SDK1: variants seen among roughly 807,000 people sequenced by gnomAD.
The protein encoded by SDK1 is protein sidekick-1.
A neutral mutation model predicts 245.5 loss-of-function variants in SDK1; 157 were observed. The ratio of observed to expected loss-of-function variants is 0.64; its 90% CI spans 0.56 to 0.73. The LOEUF is 0.73. Ranked by LOEUF, SDK1 falls within the 30% of genes least tolerant of loss-of-function variation. The pLI, the probability that SDK1 is intolerant of heterozygous loss-of-function variation, is 0.00. For synonymous variants in SDK1, 1,647 were observed against 1,278.5 expected, an observed-to-expected ratio of 1.29 and a Z score of -6.15; for missense variants, 3,583 against 3,002.3, an observed-to-expected ratio of 1.19 and a Z score of -4.52.
chr7:4,150,609 G>T (rs545627705), intron 30 of SDK1, among the ~76,000 whole-genome samples: 49 of 152,328 alleles, frequency 3.2e-4, no homozygotes, highest in Non-Finnish European at 6.5e-4. Context: ...CTTCGAGGCT[G>T]CCCGTCTCAG....
At chr7:3,481,360 T>C (rs560489171) in intron 1 of SDK1, among the ~76,000 whole-genome samples, 2 of 152,280 alleles carry the variant, frequency 1.3e-5, no homozygotes, top group East Asian at 3.9e-4. Context: ...TGGTACAGTT[T>C]CGTTTATTGA....
At chr7:3,705,258 A>C (rs756838855) in intron 4 of SDK1, among the ~76,000 whole-genome samples, 3 of 151,854 alleles carry the variant, frequency 2.0e-5, no homozygotes, top group Non-Finnish European at 4.4e-5. Flanking sequence ...AATTGCATGC[A>C]ATCTGTAGAT....
rs552226580 is a variant in SDK1, at chr7:4,206,849, C to T, written c.5214+855C>T. On this transcript the variant is annotated intron_variant, in intron 36 of 44. Transcript: ENST00000404826. ...TAGCCTCCCCTAATGACTATTGGACCGATTAAATGTCCATTTAAAGATGGT... is the reference window on the plus strand; with the variant it reads ...TAGCCTCCCCTAATGACTATTGGACTGATTAAATGTCCATTTAAAGATGGT... 4.6e-5 allele frequency among the ~76,000 whole-genome samples: 7 copies of T among 152,138 alleles called. 1 individual carries two copies. Among genetic ancestry groups the T allele is most frequent in the African/African-American group, 1.2e-4 (5 of 41,496 alleles).
intron 4 of SDK1, among the ~76,000 whole-genome samples, chr7:3,718,249 C>G (rs1192425504): frequency 6.6e-6 from 1 of 152,058 alleles, no homozygotes; most frequent in Non-Finnish European, 1.5e-5. Flanking sequence ...CCTGTGATCC[C>G]AGCACTTTCA....
chr7:3,578,169 T>G (rs2128631721), intron 1 of SDK1, among the ~76,000 whole-genome samples: 1 of 152,138 alleles, frequency 6.6e-6, no homozygotes. Flanking sequence ...AAGAGAGGAA[T>G]TTTACAGTTG....
At chr7:3,798,608 C>G (rs1257290500) in intron 4 of SDK1, among the ~76,000 whole-genome samples, 1 of 152,168 alleles carries the variant, frequency 6.6e-6, no homozygotes, top group African/African-American at 2.4e-5. Context: ...ATCAAGCTGA[C>G]TCATCATCTC....
At chr7:3,577,787 G>T (rs192591149) in intron 1 of SDK1, among the ~76,000 whole-genome samples, 26 of 152,094 alleles carry the variant, frequency 1.7e-4, no homozygotes, top group Non-Finnish European at 8.8e-5. Context: ...TGGTCATATT[G>T]TCCCCCAACC....
At chr7:4,100,749 G>A (rs962871433) in intron 22 of SDK1, among the ~76,000 whole-genome samples, 5 of 152,118 alleles carry the variant, frequency 3.3e-5, no homozygotes, top group African/African-American at 1.2e-4. Flanking sequence ...CATCACAGTC[G>A]CCTAGTGGGG....
intron 1 of SDK1, among the ~76,000 whole-genome samples, chr7:3,330,681 C>T (rs527956210): frequency 9.3e-4 from 141 of 152,050 alleles, no homozygotes; most frequent in East Asian, 5.8e-4. Flanking sequence ...TTATGAATTA[C>T]CCAGTCTAGG....
At chr7:3,704,225 TC>T (rs1294748748) in intron 4 of SDK1, among the ~76,000 whole-genome samples, 1 of 152,168 alleles carries the variant, frequency 6.6e-6, no homozygotes, top group Non-Finnish European at 1.5e-5. Flanking sequence ...GTTATTTTGT[TC>T]TTTTTTTTAT....
chr7:3,948,309 C>T (rs1424587883), intron 5 of SDK1, among the ~76,000 whole-genome samples: 1 of 130,958 alleles, frequency 7.6e-6, no homozygotes, highest in Non-Finnish European at 1.5e-5. Context: ...CCAGGCTGGA[C>T]TGCAGTGATG....
intron 1 of SDK1, among the ~76,000 whole-genome samples, chr7:3,587,073 G>C (rs985984065): frequency 2.0e-5 from 3 of 152,162 alleles, no homozygotes; most frequent in Non-Finnish European, 4.4e-5. Context: ...CCCTGTCAGA[G>C]AGTGATTCTT....
In SDK1 at chr7:3,707,570, G is replaced by T. The variant is rs138724498; in HGVS notation, c.713+65465G>T. On this transcript the variant is annotated intron_variant, in intron 4 of 44. Coordinates refer to ENST00000404826, the MANE Select transcript of SDK1 (RefSeq NM_152744.4). ...CTGTAAATATCTGTTAGGTCCATTT[G>T]TTCTACAGGAGTTTAAGTCCATTGT... Among the ~76,000 whole-genome samples, 174 of 152,262 alleles carry T rather than the reference G, an allele frequency of 1.1e-3. 2 individuals are homozygous for T. Among genetic ancestry groups the T allele is most frequent in the African/African-American group, 4.0e-3 (165 of 41,532 alleles).
At chr7:3,378,124 T>C (rs1358006334) in intron 1 of SDK1, among the ~76,000 whole-genome samples, 1 of 152,142 alleles carries the variant, frequency 6.6e-6, no homozygotes, top group Non-Finnish European at 1.5e-5. Context: ...CACTCTTGCC[T>C]GTATTTGTTG....
At chr7:3,446,383 G>T (rs1055079074) in intron 1 of SDK1, among the ~76,000 whole-genome samples, 11 of 152,072 alleles carry the variant, frequency 7.2e-5, no homozygotes, top group Non-Finnish European at 4.4e-5. Context: ...TAAAATTTTT[G>T]CACTTTATCA....
intron 13 of SDK1, among the ~76,000 whole-genome samples, chr7:3,982,028 C>G (rs1003747172): frequency 1.3e-5 from 2 of 152,302 alleles, no homozygotes; most frequent in African/African-American, 4.8e-5. Flanking sequence ...TGTCTGGTTT[C>G]AAAGCTTCAA....
intron 17 of SDK1, among the ~76,000 whole-genome samples, chr7:4,043,604 G>A (rs1317675441): frequency 3.9e-5 from 6 of 152,210 alleles, no homozygotes; most frequent in Non-Finnish European, 8.8e-5. Flanking sequence ...GTGTGCCCCA[G>A]AGAGGCACTG....
intron 1 of SDK1, among the ~76,000 whole-genome samples, chr7:3,600,222 G>C (rs1449369699): frequency 6.6e-6 from 1 of 152,094 alleles, no homozygotes; most frequent in Non-Finnish European, 1.5e-5. Context: ...GTTTCTAAAT[G>C]TTCATCGTTT....
intron 1 of SDK1, among the ~76,000 whole-genome samples, chr7:3,537,567 GA>G (rs1444947771): frequency 1.2e-4 from 18 of 152,296 alleles, no homozygotes; most frequent in Admixed American, 3.9e-4. Flanking sequence ...GGGTTGAAAA[GA>G]ATAACAAACT....
Sources: gnomAD v4.1 joint callset for allele counts (sites outside exome capture counted in the v4.1 genomes callset) on GRCh38, gnomAD v4.1.1 for gene constraint, MANE v1.5 for transcripts, NCBI Gene and HGNC (gene_info 2026-07-23, HGNC 2026-07-21) for gene names.